PFKFB3: variants seen among roughly 807,000 people sequenced by gnomAD.
PFKFB3 encodes the protein 6-phosphofructo-2-kinase/fructose-2,6-biphosphatase 3.
Under a neutral mutation model 68.0 loss-of-function variants are expected in PFKFB3, and 33 were observed. That is an observed-to-expected ratio of 0.49 (90% CI 0.37 to 0.65). The LOEUF (loss-of-function observed/expected upper bound fraction) is 0.65. Ranked by LOEUF, PFKFB3 falls within the 30% of genes least tolerant of loss-of-function variation. PFKFB3 has a pLI of 0.00. For missense variants in PFKFB3, 586 were observed against 712.2 expected (o/e 0.82, Z 2.02); for synonymous variants, 315 against 288.2 (o/e 1.09, Z -0.94).
chr10:6,318,479 A>G, the PFKFB3 span, among the ~76,000 whole-genome samples: 1 of 152,210 alleles, frequency 6.6e-6, no homozygotes, highest in Non-Finnish European at 1.5e-5. Context: ...CCCAGGGGGT[A>G]GAGGGGATCC....
chr10:6,326,473 C>G, the PFKFB3 span: 6,617 of 440,350 alleles, frequency 0.015, 365 homozygotes, highest in African/African-American at 0.12. Flanking sequence ...TGAACGTGGT[C>G]TATAATAAAC....
chr10:6,325,594 C>A, the PFKFB3 span, among the ~76,000 whole-genome samples: 1 of 152,162 alleles, frequency 6.6e-6, no homozygotes, highest in African/African-American at 2.4e-5. Flanking sequence ...GTAATTTTGC[C>A]TTTCATGGAG....
intron 14 of PFKFB3, among the ~76,000 whole-genome samples, chr10:6,243,286 C>A (rs899020921): frequency 6.6e-6 from 1 of 152,118 alleles, no homozygotes; most frequent in African/African-American, 2.4e-5. Context: ...GGTCCTGGGA[C>A]AACATATTGA....
intron 1 of PFKFB3, among the ~76,000 whole-genome samples, chr10:6,155,043 T>C (rs557719155): frequency 1.3e-5 from 2 of 152,258 alleles, no homozygotes; most frequent in African/African-American, 4.8e-5. Context: ...GTGCCCCAGG[T>C]CAGTCATCAG....
chr10:6,256,959 G>T (rs1443958378), downstream of PFKFB3, among the ~76,000 whole-genome samples: 1 of 152,112 alleles, frequency 6.6e-6, no homozygotes, highest in African/African-American at 2.4e-5. Context: ...TTAGCTTCAC[G>T]TTTCAAAAAG....
At chr10:6,151,445 A>T (rs1393252224) in intron 1 of PFKFB3, among the ~76,000 whole-genome samples, 4 of 152,128 alleles carry the variant, frequency 2.6e-5, no homozygotes, top group Non-Finnish European at 5.9e-5. Context: ...TCGGCCAGAG[A>T]AGCAAGAAGC....
At chr10:6,145,145 C>T (rs1458837113) in intron 1 of PFKFB3, 6 of 648,842 alleles carry the variant, frequency 9.2e-6, no homozygotes, top group Non-Finnish European at 1.1e-5. Context: ...CGGTGCCGCC[C>T]GGGGCCAAGC....
At chr10:6,221,995 G>A (rs1163100422) in intron 10 of PFKFB3, among the ~76,000 whole-genome samples, 4 of 152,212 alleles carry the variant, frequency 2.6e-5, no homozygotes, top group Admixed American at 2.6e-4. Context: ...AAGGTGGTGT[G>A]TGAAGGTCCA....
rs35890201 is a variant in PFKFB3 at position 6,231,207 on chromosome 10, CTTT to C, written c.1516-1679_1516-1677del. 12 of 1,006,650 alleles carry C rather than the reference CTTT, an allele frequency of 1.2e-5. No individual in the cohort carries two copies. The East Asian group carries it at 3.6e-4, about 30-fold the overall frequency. The allele number at this position is 1,006,650 out of a possible 1,614,324, so 62.4% of individuals were successfully genotyped here. The stretch of plus-strand genomic sequence containing the variant: ...ACTAGAAAATCCTACTAAAGATTTT[CTTT>C]TTTTTTTTCCTTTTCCAACCTGTTT... On this transcript the variant is annotated intron_variant, in intron 14 of 14. Transcript: ENST00000379775.
chr10:6,175,276 T>C (rs544863687), intron 1 of PFKFB3, among the ~76,000 whole-genome samples: 9 of 152,362 alleles, frequency 5.9e-5, no homozygotes, highest in African/African-American at 2.2e-4. Context: ...CTCTCAGTCT[T>C]GCTCCGTCCC....
At chr10:6,162,202 A>AGCAT (rs1211706644) in intron 1 of PFKFB3, among the ~76,000 whole-genome samples, 1 of 152,212 alleles carries the variant, frequency 6.6e-6, no homozygotes, top group Non-Finnish European at 1.5e-5. Flanking sequence ...TCCACGTTGT[A>AGCAT]GCATGGGTCA....
chr10:6,152,032 C>T (rs956806743), intron 1 of PFKFB3, among the ~76,000 whole-genome samples: 2 of 151,708 alleles, frequency 1.3e-5, no homozygotes, highest in Non-Finnish European at 2.9e-5. Context: ...TGCCTTGATG[C>T]CTAGACAAAA....
At chr10:6,145,018 G>A (rs1359924380) in intron 1 of PFKFB3, 4 of 1,336,732 alleles carry the variant, frequency 3.0e-6, no homozygotes, top group Non-Finnish European at 2.9e-6. Flanking sequence ...GGAAAGGTAG[G>A]AGTCCCGGTG....
At chr10:6,180,021 A>G (rs1415852146) in intron 1 of PFKFB3, among the ~76,000 whole-genome samples, 3 of 152,066 alleles carry the variant, frequency 2.0e-5, no homozygotes, top group Non-Finnish European at 4.4e-5. Flanking sequence ...GACTCGCAGC[A>G]TTTAACCATT....
the PFKFB3 span, among the ~76,000 whole-genome samples, chr10:6,304,845 C>CT: frequency 0.019 from 1,436 of 73,792 alleles, 143 homozygotes; most frequent in East Asian, 0.24. Context: ...ATATTAGGAA[C>CT]TTTTTTTTTT....
chr10:6,299,227 T>C, the PFKFB3 span, among the ~76,000 whole-genome samples: 3 of 152,228 alleles, frequency 2.0e-5, no homozygotes, highest in Non-Finnish European at 4.4e-5. Context: ...TCAGAAATGG[T>C]GTTTGCTTTT....
At chr10:6,270,837 T>A in the PFKFB3 span, among the ~76,000 whole-genome samples, 1 of 152,194 alleles carries the variant, frequency 6.6e-6, no homozygotes, top group South Asian at 2.1e-4. Context: ...TTAAGCACCT[T>A]GAGAGTAGGA....
Position 6,233,402 on chromosome 10 carries a change from A to C in PFKFB3, c.*460A>C, listed in dbSNP as rs1053677034. ...GTTGCTGAAAGTTAAGGAATGTGTAAAACCTCCACGTGACTGTTTGGTGCA... is the reference window on the plus strand; with the variant it reads ...GTTGCTGAAAGTTAAGGAATGTGTACAACCTCCACGTGACTGTTTGGTGCA... On this transcript the variant is annotated 3_prime_UTR_variant, in exon 15 of 15. Transcript: ENST00000379775. 5 of 155,954 alleles carry C rather than the reference A, an allele frequency of 3.2e-5. No individual in the cohort carries two copies. Among genetic ancestry groups the C allele is most frequent in the Admixed American group, 6.4e-5 (1 of 15,590 alleles). The allele number at this position is 155,954 out of a possible 1,614,324, so 9.7% of individuals were successfully genotyped here.
chr10:6,195,984 T>C (rs1843165670), intron 1 of PFKFB3, among the ~76,000 whole-genome samples: 1 of 152,164 alleles, frequency 6.6e-6, no homozygotes, highest in Admixed American at 6.5e-5. Context: ...TTGAGAGGAA[T>C]TTTCCAGAAT....
Sources: gnomAD v4.1 joint callset for allele counts (sites outside exome capture counted in the v4.1 genomes callset) on GRCh38, gnomAD v4.1.1 for gene constraint, MANE v1.5 for transcripts, NCBI Gene and HGNC (gene_info 2026-07-23, HGNC 2026-07-21) for gene names.